Variants in RAB2A observed in about 807,000 individuals in gnomAD.
The protein encoded by RAB2A is ras-related protein Rab-2A.
RAB2A carries 7 observed loss-of-function variants against 32.5 expected under a neutral mutation model. The observed-to-expected ratio is 0.22, with a 90% CI of 0.12 to 0.40. RAB2A has a LOEUF of 0.40. Ranked by LOEUF, RAB2A falls within the 10% of genes least tolerant of loss-of-function variation. The probability of loss-of-function intolerance (pLI) is 1.00; values close to 1 mark genes in which losing one functional copy is unlikely to be tolerated. For missense variants in RAB2A, 108 were observed against 260.7 expected, an observed-to-expected ratio of 0.41 and a Z score of 4.03; for synonymous variants, 79 against 85.2, an observed-to-expected ratio of 0.93 and a Z score of 0.40.
rs1804528183 is a variant in RAB2A, at chr8:60,621,626, T to G, written c.*857T>G. 1 of 152,176 alleles carries G rather than the reference T, an allele frequency of 6.6e-6. No individual in the cohort carries two copies. 9.4% of individuals were successfully genotyped at this position (152,176 alleles called of 1,614,324 possible). ...TACATCTTAGCGACTCCAAGAAGAA[T>G]GAGTATCCACATTTAGATGGCACAT... On this transcript the variant is annotated 3_prime_UTR_variant, in exon 8 of 8. Transcript: ENST00000262646.
chr8:60,559,204 T>C (rs1807983211), intron 2 of RAB2A: 2 of 292,168 alleles, frequency 6.8e-6, no homozygotes, highest in Admixed American at 9.7e-5. Flanking sequence ...TATCCAAGCA[T>C]GGTAAGAGCA....
At chr8:60,588,480 A>G (rs1319338595) in intron 5 of RAB2A, among the ~76,000 whole-genome samples, 1 of 152,230 alleles carries the variant, frequency 6.6e-6, no homozygotes, top group Non-Finnish European at 1.5e-5. Flanking sequence ...ACAGCATTAC[A>G]ACAGACTACA....
intron 3 of RAB2A, among the ~76,000 whole-genome samples, chr8:60,573,943 C>T (rs747025426): frequency 1.4e-4 from 21 of 152,194 alleles, no homozygotes; most frequent in African/African-American, 4.6e-4. Flanking sequence ...CCACCACACC[C>T]GGCTGAGTTA....
intron 6 of RAB2A, among the ~76,000 whole-genome samples, chr8:60,608,527 CTCCTTCTCCTCCTT>C (rs1804278420): frequency 1.3e-5 from 2 of 148,352 alleles, no homozygotes; most frequent in African/African-American, 5.1e-5. Context: ...CCTTCTTCCT[CTCCTTCTCCTCCTT>C]CTCTCTCTCC....
At position 60,543,628 on chromosome 8, in the gene RAB2A, T is replaced by C. The variant is rs563017651; in HGVS notation, c.47-15224T>C. The stretch of plus-strand genomic sequence containing the variant: ...CTTGGACATATCTTTTGGGGGGCCA[T>C]TATCTATTCAATTTACTACAGTAAA... On this transcript the variant is annotated intron_variant, in intron 1 of 7. Transcript: ENST00000262646. 9.8e-5 allele frequency among the ~76,000 whole-genome samples: 15 copies of C among 152,314 alleles called. No homozygotes were observed. The East Asian group carries it at 2.7e-3, about 27-fold the overall frequency.
At chr8:60,567,701 A>G (rs1173148374) in intron 2 of RAB2A, among the ~76,000 whole-genome samples, 2 of 136,666 alleles carry the variant, frequency 1.5e-5, no homozygotes, top group Non-Finnish European at 3.0e-5. Flanking sequence ...TTTTGTTCAT[A>G]TAGGCCTTAT....
intron 2 of RAB2A, 137 bp downstream of exon 2, chr8:60,559,060 C>T: frequency 1.6e-6 from 1 of 613,770 alleles, no homozygotes; most frequent in Non-Finnish European, 2.8e-6. Context: ...TAATCTCTGT[C>T]ACTTTTTTAA....
Position 60,621,027 on chromosome 8 carries a change from G to A in RAB2A, c.*258G>A, listed in dbSNP as rs1372344537. On this transcript the variant is annotated 3_prime_UTR_variant, in exon 8 of 8. Transcript: ENST00000262646. The stretch of plus-strand genomic sequence containing the variant: ...GATTATTTTTGTTAAATGTTGTCTT[G>A]TGCCCTTAACTACGAACTGAATTGT... 2.6e-6 allele frequency: 1 copy of A among 391,050 alleles called. No homozygotes were observed. The highest frequency in any genetic ancestry group is 2.1e-5 in the African/African-American group (1 of 47,326). 24.2% of individuals were successfully genotyped at this position (391,050 alleles called of 1,614,324 possible).
chr8:60,571,367 T>C (rs746910081), intron 2 of RAB2A, among the ~76,000 whole-genome samples: 5 of 152,192 alleles, frequency 3.3e-5, no homozygotes, highest in Non-Finnish European at 5.9e-5. Flanking sequence ...AAAAGAATAT[T>C]ATGCAGACAT....
intron 1 of RAB2A, chr8:60,552,963 A>G (rs752484796): frequency 6.6e-6 from 1 of 152,216 alleles, no homozygotes; most frequent in African/African-American, 2.4e-5. Flanking sequence ...GGGAGAGCCT[A>G]TAAAGCATGA....
chr8:60,581,384 C>T (rs762100710), intron 3 of RAB2A, among the ~76,000 whole-genome samples: 2 of 152,162 alleles, frequency 1.3e-5, no homozygotes, highest in Non-Finnish European at 1.5e-5. Flanking sequence ...TGAAGATAGG[C>T]TGGACAAAGG....
chr8:60,548,874 C>T (rs1193926831), intron 1 of RAB2A, among the ~76,000 whole-genome samples: 104 of 151,844 alleles, frequency 6.8e-4, no homozygotes, highest in Admixed American at 2.6e-4. Flanking sequence ...ACGCTCCTCA[C>T]TTCTCAGACA....
At chr8:60,620,602 A>C in intron 7 of RAB2A, 72 bp from the exon 8 acceptor site, 1 of 1,099,390 alleles carries the variant, frequency 9.1e-7, no homozygotes, top group Non-Finnish European at 1.4e-6. Flanking sequence ...TAAAGAATTA[A>C]ATGAGTTTTT....
Position 60,584,235 on chromosome 8 carries a change from A to G in RAB2A, c.214A>G (p.Thr72Ala), listed in dbSNP as rs1361749164. ...AGGGCAAGAATCCTTTCGTTCCATCACAAGGTCGTATTACAGAGGTGCAGC... is the reference window on the plus strand; with the variant it reads ...AGGGCAAGAATCCTTTCGTTCCATCGCAAGGTCGTATTACAGAGGTGCAGC... ...TAGQESFRSI[T>A]RSYYRGAAGA... The change falls in exon 4 of 8, where the codon ACA becomes GCA. Residue 72 changes from threonine to alanine, a missense_variant. Coordinates refer to ENST00000262646, the MANE Select transcript of RAB2A (RefSeq NM_002865.3). 6.2e-7 allele frequency: 1 copy of G among 1,609,966 alleles called. No individual in the cohort carries two copies. Among genetic ancestry groups the G allele is most frequent in the Non-Finnish European group, 8.5e-7 (1 of 1,176,342 alleles).
At chr8:60,569,379 A>C (rs1337196307) in intron 2 of RAB2A, among the ~76,000 whole-genome samples, 2 of 152,216 alleles carry the variant, frequency 1.3e-5, no homozygotes, top group African/African-American at 4.8e-5. Context: ...GTATTATGAC[A>C]TATTCCTGGT....
intron 6 of RAB2A, among the ~76,000 whole-genome samples, chr8:60,607,786 A>G (rs192981413): frequency 1.5e-4 from 23 of 152,334 alleles, no homozygotes; most frequent in Middle Eastern, 3.4e-3. Flanking sequence ...AGTCTGTTCT[A>G]TCACAGGACA....
intron 1 of RAB2A, among the ~76,000 whole-genome samples, chr8:60,547,352 C>T (rs1377702084): frequency 3.3e-5 from 5 of 152,246 alleles, no homozygotes; most frequent in East Asian, 3.9e-4. Flanking sequence ...CACCTTTCCC[C>T]CCTTTCTATT....
intron 3 of RAB2A, among the ~76,000 whole-genome samples, chr8:60,578,973 G>GGCA (rs1203740216): frequency 1.3e-5 from 2 of 152,088 alleles, no homozygotes; most frequent in African/African-American, 4.8e-5. Context: ...TTATCTCTTA[G>GGCA]GCAGACTTGT....
intron 1 of RAB2A, among the ~76,000 whole-genome samples, chr8:60,540,820 T>C (rs925054044): frequency 6.6e-6 from 1 of 152,312 alleles, no homozygotes; most frequent in East Asian, 1.9e-4. Flanking sequence ...CACATGGTAA[T>C]GTTAAAACAA....
Sources: gnomAD v4.1 joint callset for allele counts (sites outside exome capture counted in the v4.1 genomes callset) on GRCh38, gnomAD v4.1.1 for gene constraint, MANE v1.5 for transcripts, NCBI Gene and HGNC (gene_info 2026-07-23, HGNC 2026-07-21) for gene names.